Variants in LRRC8C observed in about 807,000 individuals in gnomAD.
LRRC8C encodes the protein leucine rich repeat containing 8 VRAC subunit C.
Under a neutral mutation model 55.3 loss-of-function variants are expected in LRRC8C, and 20 were observed. The observed-to-expected ratio is 0.36, with a 90% CI of 0.25 to 0.53. The LOEUF is 0.53. LRRC8C is among the 20% of genes least tolerant of loss of function. The probability of loss-of-function intolerance (pLI) is 0.92; values close to 1 mark genes in which losing one functional copy is unlikely to be tolerated. For synonymous variants in LRRC8C, 376 were observed against 360.7 expected, an observed-to-expected ratio of 1.04 and a Z score of -0.48; for missense variants, 659 against 951.4, an observed-to-expected ratio of 0.69 and a Z score of 4.04.
chr1:89,668,470 A>T (rs988144560), intron 1 of LRRC8C, among the ~76,000 whole-genome samples: 6 of 152,182 alleles, frequency 3.9e-5, no homozygotes, highest in African/African-American at 1.4e-4. Context: ...CTCAGACTGG[A>T]TTTCTCTCAG....
At chr1:89,706,448 T>A in intron 2 of LRRC8C, 2 of 432,498 alleles carry the variant, frequency 4.6e-6, no homozygotes, top group Admixed American at 5.3e-5. Context: ...ACTGCCTAAA[T>A]AAGTGTCATC....
intron 1 of LRRC8C, among the ~76,000 whole-genome samples, chr1:89,643,246 C>T (rs2101183852): frequency 6.6e-6 from 1 of 152,320 alleles, no homozygotes; most frequent in African/African-American, 2.4e-5. Context: ...CACACGCCAC[C>T]ACACCCAGCT....
chr1:89,661,518 C>A (rs1176130879), intron 1 of LRRC8C, among the ~76,000 whole-genome samples: 8 of 152,162 alleles, frequency 5.3e-5, no homozygotes, highest in African/African-American at 1.9e-4. Flanking sequence ...AGGCTCTGGC[C>A]TAAGTAGTAT....
chr1:89,626,872 G>T, the LRRC8C span: 4 of 151,618 alleles, frequency 2.6e-5, no homozygotes, highest in Non-Finnish European at 5.9e-5. Context: ...AATCATTAGC[G>T]TTGGTAATTA....
chr1:89,707,649 T>G (rs1003361365), intron 2 of LRRC8C, among the ~76,000 whole-genome samples: 2 of 122,894 alleles, frequency 1.6e-5, no homozygotes, highest in African/African-American at 8.2e-5. Context: ...TGTGTGTGTG[T>G]GAGTGTGTGT....
intron 1 of LRRC8C, among the ~76,000 whole-genome samples, chr1:89,650,344 G>T (rs1411294334): frequency 1.3e-5 from 2 of 152,070 alleles, no homozygotes; most frequent in Non-Finnish European, 2.9e-5. Context: ...AGTGTTCAAG[G>T]AATTATTTTT....
At chr1:89,705,242 G>C (rs1335224917) in intron 2 of LRRC8C, among the ~76,000 whole-genome samples, 1 of 130,696 alleles carries the variant, frequency 7.7e-6, no homozygotes, top group Non-Finnish European at 1.6e-5. Flanking sequence ...ATGGACACAG[G>C]AAGGGGAACA....
chr1:89,651,296 T>C (rs1656768994), intron 1 of LRRC8C, among the ~76,000 whole-genome samples: 1 of 152,082 alleles, frequency 6.6e-6, no homozygotes, highest in South Asian at 2.1e-4. Context: ...AGGCCAGGCA[T>C]AGTGGCTCAC....
rs566552224 is a variant in LRRC8C at position 89,696,394 on chromosome 1, C to G, written c.138+9783C>G. ...GGGAGTTCTGAAAAAAACTCCTTAG[C>G]TTCTTTTTCTACACCTTAATCTCTG... On this transcript the variant is annotated intron_variant, in intron 2 of 2. Transcript: ENST00000370454. Among the ~76,000 whole-genome samples the G allele has an allele frequency of 2.4e-3, 360 of 152,124 alleles. 3 individuals carry two copies. Among genetic ancestry groups the G allele is most frequent in the African/African-American group, 8.0e-3 (334 of 41,508 alleles).
At position 89,713,324 on chromosome 1, in the gene LRRC8C, G is replaced by A; in HGVS notation, c.754G>A (p.Val252Met). ...FEKVKKFRLH[V>M]EEGDILYAMY... The stretch of plus-strand genomic sequence containing the variant: ...GAAGGTGAAGAAGTTCAGGCTGCAT[G>A]TGGAAGAAGGTGATATTCTATATGC... The change falls in exon 3 of 3, where the codon GTG becomes ATG. Residue 252 changes from valine to methionine, a missense_variant. Coordinates refer to ENST00000370454, the MANE Select transcript of LRRC8C (RefSeq NM_032270.5). The surrounding 1 kb of genome is among the most constrained non-coding windows in gnomAD (Gnocchi z 5.2). 1 of 1,614,248 alleles carries A rather than the reference G, an allele frequency of 6.2e-7. No homozygotes were observed. Among genetic ancestry groups the A allele is most frequent in the Non-Finnish European group, 8.5e-7 (1 of 1,180,038 alleles).
At chr1:89,622,336 T>A in the LRRC8C span, among the ~76,000 whole-genome samples, 28 of 81,656 alleles carry the variant, frequency 3.4e-4, no homozygotes, top group African/African-American at 1.2e-3. Context: ...ACATGTAAAA[T>A]TTTTTTTTTT....
At position 89,686,623 on chromosome 1, in the gene LRRC8C, G is replaced by C; in HGVS notation, c.138+12G>C. On this transcript the variant is annotated intron_variant, in intron 2 of 2. Transcript: ENST00000370454. ...GATGTACTTTACAGGTAGGTGCCTA[G>C]ATCCCTGGCAAAATGGGGGCCAGAG... The C allele has an allele frequency of 6.2e-7, 1 of 1,613,586 alleles. No homozygotes were observed. The highest frequency in any genetic ancestry group is 1.3e-5 in the African/African-American group (1 of 75,030).
rs1177747976 is a variant in LRRC8C, at chr1:89,713,233, A to C, written c.663A>C (p.Val221=). 6.2e-7 allele frequency: 1 copy of C among 1,614,206 alleles called. No individual in the cohort carries two copies. Reference sequence around the variant, plus strand: ...TAAAGTCCATTCCTGAGAAGTTTGTAGTTGATAAATCCACTGCAGGGGCTC... The same window carrying C: ...TAAAGTCCATTCCTGAGAAGTTTGTCGTTGATAAATCCACTGCAGGGGCTC... ...QSLKSIPEKF[V]VDKSTAGALD... is the part of the protein sequence containing the mutation. The change falls in exon 3 of 3, where the codon GTA becomes GTC. Residue 221 remains valine (V), a synonymous_variant. Coordinates refer to ENST00000370454, the MANE Select transcript of LRRC8C (RefSeq NM_032270.5). This position sits in a 1 kb window ranked among gnomAD's most constrained non-coding sequence, Gnocchi z 5.2.
intron 1 of LRRC8C, among the ~76,000 whole-genome samples, chr1:89,647,766 A>G (rs2101190746): frequency 6.6e-6 from 1 of 152,348 alleles, no homozygotes; most frequent in Non-Finnish European, 1.5e-5. Context: ...CAAATCACAC[A>G]GGCCAAACAA....
At position 89,707,632 on chromosome 1, in the gene LRRC8C, G is replaced by T. The variant is rs190328254; in HGVS notation, c.139-5077G>T. Among the ~76,000 whole-genome samples, 89 of 142,056 alleles carry T rather than the reference G, an allele frequency of 6.3e-4. 1 individual carries two copies. The highest frequency in any genetic ancestry group is 2.2e-3 in the African/African-American group (78 of 36,272). 93.2% of individuals were successfully genotyped at this position (142,056 alleles called of 152,430 possible). ...ACAAAATGCATTCATAAAAGGTGTG[G>T]CTGGTGTGTGTGTGTGTGAGTGTGT... On this transcript the variant is annotated intron_variant, in intron 2 of 2. Coordinates refer to ENST00000370454, the MANE Select transcript of LRRC8C (RefSeq NM_032270.5).
Position 89,666,972 on chromosome 1 carries a change from A to G in LRRC8C, c.-4-19498A>G, listed in dbSNP as rs914351009. On this transcript the variant is annotated intron_variant, in intron 1 of 2. Transcript: ENST00000370454. ...GCTATTGAGGAAAGCAACTTAGGGA[A>G]TGAAAAAGGGAGTGCTGGGATGGCA... Among the ~76,000 whole-genome samples the G allele has an allele frequency of 1.6e-4, 25 of 152,294 alleles. 1 individual carries two copies. The Middle Eastern group carries it at 0.014, about 83-fold the overall frequency.
At chr1:89,660,059 A>C (rs1657070342) in intron 1 of LRRC8C, among the ~76,000 whole-genome samples, 2 of 152,152 alleles carry the variant, frequency 1.3e-5, no homozygotes, top group East Asian at 3.9e-4. Context: ...TTCAAATATT[A>C]TCCAAGCAGC....
intron 2 of LRRC8C, among the ~76,000 whole-genome samples, chr1:89,712,152 G>A (rs973357423): frequency 1.2e-4 from 18 of 152,134 alleles, no homozygotes; most frequent in Middle Eastern, 3.4e-3. Flanking sequence ...TGTTCTTGTC[G>A]CCCATGTTGG....
chr1:89,694,643 G>A (rs1229202101), intron 2 of LRRC8C, among the ~76,000 whole-genome samples: 2 of 117,770 alleles, frequency 1.7e-5, no homozygotes, highest in Non-Finnish European at 3.2e-5. Context: ...AGGCTGGAAT[G>A]TGTGCATTGG....
Sources: gnomAD v4.1 joint callset for allele counts (sites outside exome capture counted in the v4.1 genomes callset) on GRCh38, gnomAD v4.1.1 for gene constraint, Gnocchi (gnomAD v3.1) non-coding constraint, MANE v1.5 for transcripts, NCBI Gene and HGNC (gene_info 2026-07-23, HGNC 2026-07-21) for gene names.